Variants in FZD6 observed in about 807,000 individuals in gnomAD.
FZD6 encodes the protein frizzled class receptor 6, also known as frizzled-6.
In FZD6, 49 loss-of-function variants were observed where a neutral mutation model predicts 61.4. The ratio of observed to expected loss-of-function variants is 0.80; its 90% CI spans 0.63 to 1.01. The LOEUF (loss-of-function observed/expected upper bound fraction) is 1.01. FZD6 is among the 50% of genes least tolerant of loss of function. FZD6 has a pLI of 0.00. For missense variants in FZD6, 724 were observed against 848.2 expected (o/e 0.85, Z 1.82); for synonymous variants, 265 against 292.2 (o/e 0.91, Z 0.95).
intron 2 of FZD6, among the ~76,000 whole-genome samples, chr8:103,307,438 G>T (rs902433562): frequency 2.0e-4 from 30 of 152,136 alleles, no homozygotes; most frequent in Non-Finnish European, 2.8e-4. Flanking sequence ...TTGACATACA[G>T]TAATGCACAA....
intron 3 of FZD6, among the ~76,000 whole-genome samples, chr8:103,322,588 TTA>T (rs573498639): frequency 6.6e-6 from 1 of 152,168 alleles, no homozygotes; most frequent in Non-Finnish European, 1.5e-5. Context: ...TTAGTCTTGA[TTA>T]ATTTTTTTTT....
chr8:103,313,001 AGGGTAATTTTC>A (rs1814539118), intron 2 of FZD6, among the ~76,000 whole-genome samples: 2 of 152,178 alleles, frequency 1.3e-5, no homozygotes, highest in African/African-American at 4.8e-5. Flanking sequence ...GCTTTGGGAA[AGGGTAATTTTC>A]AGGGAGAAAT....
At position 103,329,760 on chromosome 8, in the gene FZD6, C is replaced by T. The variant is rs998587023; in HGVS notation, c.1647C>T (p.His549=). 2 of 1,613,842 alleles carry T rather than the reference C, an allele frequency of 1.2e-6. No individual in the cohort carries two copies. Among genetic ancestry groups the T allele is most frequent in the Non-Finnish European group, 1.7e-6 (2 of 1,179,782 alleles). ...AGAAGCACTATAAACCAAGTTCACA[C>T]AAGCTGAAGGTCATTTCCAAATCCA... ...HKKKHYKPSS[H]KLKVISKSMG... is the part of the protein sequence containing the mutation. Residue 549 remains histidine (H), a synonymous_variant, in exon 6 of 7, where the codon CAC becomes CAT. Transcript: ENST00000358755.
chr8:103,321,928 C>G (rs999084752), intron 3 of FZD6, among the ~76,000 whole-genome samples: 1 of 152,146 alleles, frequency 6.6e-6, no homozygotes, highest in Admixed American at 6.6e-5. Context: ...ATACTTCTTT[C>G]CTTACACTCA....
At chr8:103,299,794 T>C (rs1035319213) in intron 1 of FZD6, among the ~76,000 whole-genome samples, 162 bp from the exon 2 acceptor site, 2 of 152,204 alleles carry the variant, frequency 1.3e-5, no homozygotes, top group Non-Finnish European at 2.9e-5. Context: ...GCAAATGATA[T>C]ATTCCATGCT....
At chr8:103,326,417 C>A (rs1353634363) in intron 4 of FZD6, among the ~76,000 whole-genome samples, 1 of 151,932 alleles carries the variant, frequency 6.6e-6, no homozygotes, top group Non-Finnish European at 1.5e-5. Flanking sequence ...TTAAAGTGAT[C>A]CTGCTATATT....
At chr8:103,310,846 AT>A (rs892042596) in intron 2 of FZD6, among the ~76,000 whole-genome samples, 4 of 152,184 alleles carry the variant, frequency 2.6e-5, no homozygotes, top group African/African-American at 9.7e-5. Flanking sequence ...GGGTTGCCAG[AT>A]TTCCATCTTT....
intron 1 of FZD6, 31 bp from the exon 2 acceptor site, chr8:103,299,925 T>C: frequency 1.7e-6 from 1 of 572,184 alleles, no homozygotes; most frequent in South Asian, 2.0e-5. Context: ...ATGACAAATG[T>C]TGCTGATACA....
chr8:103,303,437 T>C (rs970333229), intron 2 of FZD6, among the ~76,000 whole-genome samples: 3 of 152,220 alleles, frequency 2.0e-5, no homozygotes, highest in African/African-American at 7.2e-5. Context: ...ACAGTACTTA[T>C]AATGTACAGT....
chr8:103,315,082 AT>A (rs1375012869), intron 2 of FZD6, among the ~76,000 whole-genome samples: 3 of 151,872 alleles, frequency 2.0e-5, no homozygotes, highest in Non-Finnish European at 4.4e-5. Flanking sequence ...GCAGTTATGG[AT>A]TTGTTTTTTA....
chr8:103,324,636 G>T lies in FZD6; in HGVS notation c.530G>T (p.Gly177Val). 1.2e-6 allele frequency: 2 copies of T among 1,614,142 alleles called. No homozygotes were observed. Among genetic ancestry groups the T allele is most frequent in the Non-Finnish European group, 1.7e-6 (2 of 1,180,016 alleles). Residue 177 changes from glycine (G) to valine (V), a missense_variant, in exon 4 of 7, where the codon GGA becomes GTA. Transcript: ENST00000358755. The part of the protein sequence containing the change: ...TSGGQGYKFL[G>V]IDQCAPPCPN... ...GGGGGACAAGGATATAAGTTTCTGG[G>T]AATTGACCAGTGTGCGCCTCCATGC... is the stretch of plus-strand genomic sequence containing the variant.
intron 2 of FZD6, chr8:103,307,649 T>C (rs1187900145): frequency 9.6e-6 from 4 of 417,118 alleles, no homozygotes; most frequent in Non-Finnish European, 1.9e-5. Flanking sequence ...CATTCTTTCA[T>C]TGATTTTATA....
At chr8:103,326,685 T>A (rs1814960322) in intron 4 of FZD6, among the ~76,000 whole-genome samples, 1 of 134,330 alleles carries the variant, frequency 7.4e-6, no homozygotes, top group African/African-American at 2.9e-5. Flanking sequence ...TTTTAAAGAT[T>A]CTGCGTGACA....
At chr8:103,326,820 A>T (rs1363952746) in intron 4 of FZD6, among the ~76,000 whole-genome samples, 1 of 152,094 alleles carries the variant, frequency 6.6e-6, no homozygotes, top group African/African-American at 2.4e-5. Context: ...CAGATCAATA[A>T]GAAAAAAACC....
rs1814058966 is a variant in FZD6, at chr8:103,298,939, G to C, written c.-209G>C. On this transcript the variant is annotated 5_prime_UTR_variant, in exon 1 of 7. Transcript: ENST00000358755. Reference sequence around the variant, plus strand: ...CCGGAGCCGTCTCAGGTCCCTGGGGGGAACGGTGGGTTAGACGGGGACGGG... The same window carrying C: ...CCGGAGCCGTCTCAGGTCCCTGGGGCGAACGGTGGGTTAGACGGGGACGGG... 1 of 153,216 alleles carries C rather than the reference G, an allele frequency of 6.5e-6. No homozygotes were observed. Among genetic ancestry groups the C allele is most frequent in the African/African-American group, 2.4e-5 (1 of 41,470 alleles). The allele number at this position is 153,216 out of a possible 1,614,324, so 9.5% of individuals were successfully genotyped here. A position where few individuals can be genotyped will look rare whatever the true frequency, so the allele number is the denominator to read the frequency against.
At chr8:103,309,258 G>C (rs1814428858) in intron 2 of FZD6, among the ~76,000 whole-genome samples, 1 of 152,198 alleles carries the variant, frequency 6.6e-6, no homozygotes, top group Non-Finnish European at 1.5e-5. Flanking sequence ...ACTGCTCTAA[G>C]GCAAGTTGGC....
At chr8:103,330,973 C>G (rs917375383) in intron 6 of FZD6, among the ~76,000 whole-genome samples, 9 of 152,114 alleles carry the variant, frequency 5.9e-5, no homozygotes, top group African/African-American at 1.7e-4. Flanking sequence ...GTCAGGAGAT[C>G]GAGACCATTC....
intron 2 of FZD6, among the ~76,000 whole-genome samples, chr8:103,307,147 C>T (rs1814359059): frequency 6.6e-6 from 1 of 152,184 alleles, no homozygotes; most frequent in African/African-American, 2.4e-5. Context: ...TGCCACAGGA[C>T]CACTCTGCTT....
chr8:103,330,999 A>G (rs376045549), intron 6 of FZD6, among the ~76,000 whole-genome samples: 19 of 152,274 alleles, frequency 1.2e-4, no homozygotes, highest in African/African-American at 3.9e-4. Flanking sequence ...AACATGGTGA[A>G]ACCCCATCTC....
Sources: gnomAD v4.1 joint callset for allele counts (sites outside exome capture counted in the v4.1 genomes callset) on GRCh38, gnomAD v4.1.1 for gene constraint, MANE v1.5 for transcripts, NCBI Gene and HGNC (gene_info 2026-07-23, HGNC 2026-07-21) for gene names.